The following CALR3 variants were observed in gnomAD, a reference collection of about 807,000 sequenced individuals.
CALR3 encodes calreticulin 3, also known as calreticulin-3.
A neutral mutation model predicts 48.7 loss-of-function variants in CALR3; 39 were observed. The observed-to-expected ratio is 0.80, with a 90% CI of 0.62 to 1.05. The LOEUF (loss-of-function observed/expected upper bound fraction) is 1.05, where lower values mean the gene tolerates loss of function less well. Among genes scored for constraint, CALR3 ranks in the 50% least tolerant of loss-of-function variants. CALR3 has a pLI of 0.00. For missense variants in CALR3, 449 were observed against 474.7 expected (o/e 0.95, Z 0.50); for synonymous variants, 185 against 172.7 (o/e 1.07, Z -0.56).
At position 16,479,122 on chromosome 19, in the gene CALR3, T is replaced by A. The variant is rs1568484495; in HGVS notation, c.*9A>T. On this transcript the variant is annotated 3_prime_UTR_variant, in exon 9 of 9. Coordinates refer to ENST00000269881, the MANE Select transcript of CALR3 (RefSeq NM_145046.5). The stretch of plus-strand genomic sequence containing the variant: ...TTTTACCAGTCATCCTTATATCCAA[T>A]GGGGATCACTAAAGTTCATTCCTTC... 6.2e-7 allele frequency: 1 copy of A among 1,614,056 alleles called. No individual in the cohort carries two copies. The highest frequency in any genetic ancestry group is 1.7e-5 in the Admixed American group (1 of 60,010).
Position 16,496,107 on chromosome 19 carries a change from A to C in CALR3, c.23T>G (p.Leu8Arg). 1 of 1,605,674 alleles carries C rather than the reference A, an allele frequency of 6.2e-7. No homozygotes were observed. The highest frequency in any genetic ancestry group is 8.5e-7 in the Non-Finnish European group (1 of 1,176,314). Reference sequence around the variant, plus strand: ...CACTCGCAGCATGCATATGGCCCAGAGCTGGACCAAAGCCCGGGCCATGGG... The same window carrying C: ...CACTCGCAGCATGCATATGGCCCAGCGCTGGACCAAAGCCCGGGCCATGGG... The part of the protein sequence containing the change: MARALVQ[L>R]WAICMLRVAL... The change falls in exon 1 of 9, where the codon CTC becomes CGC. Residue 8 changes from leucine to arginine, a missense_variant. Physicochemically the swap from Leu to Arg is moderately radical, Grantham distance 102. Transcript: ENST00000269881.
At chr19:16,492,109 G>T (rs1424532243) in intron 2 of CALR3, among the ~76,000 whole-genome samples, 1 of 152,018 alleles carries the variant, frequency 6.6e-6, no homozygotes, top group Non-Finnish European at 1.5e-5. Flanking sequence ...GATTACAGGT[G>T]TGAACCACTG....
rs2093383195 is a variant in CALR3 at position 16,482,761 on chromosome 19, C to T, written c.703G>A (p.Ala235Thr). Residue 235 changes from alanine (A) to threonine (T), a missense_variant, in exon 6 of 9, where the codon GCC becomes ACC. Physicochemically the swap from Ala to Thr is moderately conservative, Grantham distance 58 (BLOSUM62 0). Transcript: ENST00000269881. ...AQDWEKHFLD[A>T]STSKQSDWNG... ...CAGTCGCTCTGCTTGCTGGTGCTGGCGTCCAGAAAATGCTTCTCCCAGTCC... is the reference window on the plus strand; with the variant it reads ...CAGTCGCTCTGCTTGCTGGTGCTGGTGTCCAGAAAATGCTTCTCCCAGTCC... The T allele has an allele frequency of 5.0e-6, 8 of 1,613,492 alleles. No individual in the cohort carries two copies. Among genetic ancestry groups the T allele is most frequent in the East Asian group, 2.2e-5 (1 of 44,880 alleles).
chr19:16,483,959 A>G lies in CALR3; in HGVS notation c.649T>C (p.Trp217Arg). Reference protein sequence around the residue: ...KETSPAESKDWEQTKDNKAQD... With the variant: ...KETSPAESKDREQTKDNKAQD... ...GCTTTGTTGTCTTTAGTCTGTTCCCAATCCTTCGATTCTGCCGGGGACGTT... is the reference window on the plus strand; with the variant it reads ...GCTTTGTTGTCTTTAGTCTGTTCCCGATCCTTCGATTCTGCCGGGGACGTT... The change falls in exon 5 of 9, where the codon TGG becomes CGG. Residue 217 changes from tryptophan (W) to arginine (R), a missense_variant. Trp to Arg is a moderately radical substitution (Grantham distance 101). Coordinates refer to ENST00000269881, the MANE Select transcript of CALR3 (RefSeq NM_145046.5). 6.2e-7 allele frequency: 1 copy of G among 1,614,002 alleles called. No homozygotes were observed. The highest frequency in any genetic ancestry group is 8.5e-7 in the Non-Finnish European group (1 of 1,180,012).
intron 8 of CALR3, among the ~76,000 whole-genome samples, chr19:16,479,977 G>T (rs1259416890): frequency 2.0e-5 from 3 of 151,872 alleles, no homozygotes; most frequent in Non-Finnish European, 4.4e-5. Context: ...GGCCGAGGCA[G>T]GCAGATCATG....
chr19:16,493,421 G>C (rs2093400925), intron 2 of CALR3, among the ~76,000 whole-genome samples: 1 of 152,054 alleles, frequency 6.6e-6, no homozygotes. Context: ...TCTAAACTTT[G>C]TCTATACAAA....
chr19:16,479,391 C>G (rs912151230), intron 8 of CALR3, 117 bp from the exon 9 acceptor site: 1 of 1,154,132 alleles, frequency 8.7e-7, no homozygotes, highest in Non-Finnish European at 1.3e-6. Context: ...CGAGACCATC[C>G]CGGCTAACAC....
intron 3 of CALR3, 130 bp downstream of exon 3, chr19:16,490,237 A>C: frequency 1.3e-6 from 1 of 781,460 alleles, no homozygotes; most frequent in Non-Finnish European, 2.2e-6. Context: ...ATACTACTAC[A>C]AACCTTGGAT....
chr19:16,495,864 G>A lies in CALR3; in HGVS notation c.92-12C>T. The A allele has an allele frequency of 6.2e-7, 1 of 1,609,678 alleles. No individual in the cohort carries two copies. On this transcript the variant is annotated splice_polypyrimidine_tract_variant and intron_variant, in intron 1 of 8. Transcript: ENST00000269881. ...GTTTCTCCAATGCTCTGTGGGGAAG[G>A]GGAAATAACACCGGTTAGAGGTGAT...
intron 2 of CALR3, among the ~76,000 whole-genome samples, 193 bp downstream of exon 2, chr19:16,495,558 C>T: frequency 1.0e-5 from 1 of 95,324 alleles, no homozygotes; most frequent in African/African-American, 3.9e-5. Flanking sequence ...GGCTCCGTCT[C>T]AAAAAAAAAA....
chr19:16,484,947 A>G (rs1008096588), intron 4 of CALR3, among the ~76,000 whole-genome samples: 8 of 152,204 alleles, frequency 5.3e-5, no homozygotes, highest in African/African-American at 1.2e-4. Flanking sequence ...ACAGTAAAAA[A>G]TGAGAGTGCC....
At position 16,479,074 on chromosome 19, in the gene CALR3, CAT is replaced by C. The variant is rs968684576; in HGVS notation, c.*55_*56del. On this transcript the variant is annotated 3_prime_UTR_variant, in exon 9 of 9. Transcript: ENST00000269881. ...GCCATGTAGACATTTGAGTTTGAAACATAGATTAAAGTAGCAATGAGATTTTA... is the reference window on the plus strand; with the variant it reads ...GCCATGTAGACATTTGAGTTTGAAACAGATTAAAGTAGCAATGAGATTTTA... 1 of 1,603,052 alleles carries C rather than the reference CAT, an allele frequency of 6.2e-7. No homozygotes were observed. Among genetic ancestry groups the C allele is most frequent in the African/African-American group, 1.3e-5 (1 of 74,658 alleles).
chr19:16,493,298 G>T (rs900887985), intron 2 of CALR3, among the ~76,000 whole-genome samples: 7 of 152,130 alleles, frequency 4.6e-5, no homozygotes, highest in Non-Finnish European at 7.4e-5. Flanking sequence ...ACATCTTCAG[G>T]GTGAAATGTT....
intron 8 of CALR3, among the ~76,000 whole-genome samples, chr19:16,479,892 A>G (rs2093377789): frequency 6.6e-6 from 1 of 152,014 alleles, no homozygotes; most frequent in South Asian, 2.1e-4. Context: ...GATAGGCTGA[A>G]TAAGAAGAAC....
chr19:16,479,308 G>T (rs370450726), intron 8 of CALR3, 34 bp from the exon 9 acceptor site: 2 of 1,612,688 alleles, frequency 1.2e-6, no homozygotes, highest in South Asian at 1.1e-5. Context: ...AAGCCCCACC[G>T]GGTGCGATGG....
At chr19:16,495,987 G>A in intron 1 of CALR3, 52 bp downstream of exon 1, 2 of 1,566,694 alleles carry the variant, frequency 1.3e-6, no homozygotes, top group Non-Finnish European at 1.7e-6. Context: ...AGCCTTAGGG[G>A]GCGGAGATGG....
At chr19:16,488,169 G>A (rs10469469) in intron 3 of CALR3, among the ~76,000 whole-genome samples, 101,563 of 151,726 alleles carry the variant, frequency 0.67, 34,238 homozygotes, top group South Asian at 0.75. Flanking sequence ...AGCTGGTCTC[G>A]AACTCCCGAC....
intron 8 of CALR3, among the ~76,000 whole-genome samples, chr19:16,479,495 GGAGAATGGCCTAAACCTGGGAGGCA>G (rs1432101561): frequency 6.6e-6 from 1 of 151,238 alleles, no homozygotes; most frequent in Non-Finnish European, 1.5e-5. Context: ...GGCTGAGGCA[GGAGAATGGCCTAAACCTGGGAGGCA>G]GAGCTTGCAG....
At chr19:16,482,278 A>AGGCTGAGGTGGGAGGATC (rs1464780963) in intron 7 of CALR3, among the ~76,000 whole-genome samples, 172 bp downstream of exon 7, 3 of 151,086 alleles carry the variant, frequency 2.0e-5, no homozygotes, top group Non-Finnish European at 4.4e-5. Flanking sequence ...GCTACTTGGG[A>AGGCTGAGGTGGGAGGATC]GGCTGAGGTG....
Sources: gnomAD v4.1 joint callset for allele counts (sites outside exome capture counted in the v4.1 genomes callset) on GRCh38, gnomAD v4.1.1 for gene constraint, MANE v1.5 for transcripts, NCBI Gene and HGNC (gene_info 2026-07-23, HGNC 2026-07-21) for gene names.